TNC: variants seen among roughly 807,000 people sequenced by gnomAD.
The protein encoded by TNC is tenascin.
A neutral mutation model predicts 202.4 loss-of-function variants in TNC; 109 were observed. The observed-to-expected ratio is 0.54, with a 90% CI of 0.46 to 0.63. The LOEUF (loss-of-function observed/expected upper bound fraction) is 0.63. Among genes scored for constraint, TNC ranks in the 30% least tolerant of loss-of-function variants. The pLI, the probability that TNC is intolerant of heterozygous loss-of-function variation, is 0.00. For synonymous variants in TNC, 1,007 were observed against 1,089.7 expected (o/e 0.92, Z 1.50); for missense variants, 2,756 against 2,833.3 (o/e 0.97, Z 0.62).
chr9:115,098,631 G>A (rs1835975788), intron 1 of TNC, among the ~76,000 whole-genome samples: 1 of 152,134 alleles, frequency 6.6e-6, no homozygotes, highest in Non-Finnish European at 1.5e-5. Flanking sequence ...TTATCTTGTT[G>A]ACTTAAGCAC....
chr9:115,117,790 A>G (rs1837576617), intron 1 of TNC, among the ~76,000 whole-genome samples, 192 bp downstream of exon 1: 2 of 152,228 alleles, frequency 1.3e-5, no homozygotes, highest in African/African-American at 2.4e-5. Context: ...AAGTTAAAAC[A>G]AACAAAATTA....
chr9:115,096,675 T>C (rs1835820015), intron 1 of TNC, among the ~76,000 whole-genome samples: 1 of 152,186 alleles, frequency 6.6e-6, no homozygotes, highest in African/African-American at 2.4e-5. Flanking sequence ...CACTTAACTA[T>C]AGCAAGCATG....
rs180938362 is a variant in TNC at position 115,095,749 on chromosome 9, A to G, written c.-136-4595T>C. On this transcript the variant is annotated intron_variant, in intron 1 of 27. Coordinates refer to ENST00000350763, the MANE Select transcript of TNC (RefSeq NM_002160.4). ...ATAATATAATAGTTGCTCCAATTAT[A>G]TTACATATAATATTATAATATGTGA... Among the ~76,000 whole-genome samples, 863 of 147,190 alleles carry G rather than the reference A, an allele frequency of 5.9e-3. 9 individuals are homozygous for G. Among genetic ancestry groups the G allele is most frequent in the African/African-American group, 0.021 (826 of 40,240 alleles).
At chr9:115,091,851 C>T (rs926863312) in intron 1 of TNC, among the ~76,000 whole-genome samples, 1 of 152,210 alleles carries the variant, frequency 6.6e-6, no homozygotes, top group Non-Finnish European at 1.5e-5. Flanking sequence ...TGATTTATTT[C>T]CAAAACCTTC....
intron 23 of TNC, 92 bp downstream of exon 23, chr9:115,031,461 G>A: frequency 7.4e-7 from 1 of 1,352,588 alleles, no homozygotes; most frequent in South Asian, 2.1e-5. Context: ...AGGTTTGTTT[G>A]AAAATTTTAA....
chr9:115,065,396 AAAAC>A (rs1411281939), intron 10 of TNC, among the ~76,000 whole-genome samples: 1 of 152,264 alleles, frequency 6.6e-6, no homozygotes, highest in African/African-American at 2.4e-5. Flanking sequence ...ACTCTGTCTC[AAAAC>A]AAACAAACAA....
intron 6 of TNC, among the ~76,000 whole-genome samples, 163 bp downstream of exon 6, chr9:115,081,609 A>G (rs973373797): frequency 1.3e-5 from 2 of 152,190 alleles, no homozygotes; most frequent in African/African-American, 4.8e-5. Flanking sequence ...CAAATCACCA[A>G]CATGCAAAGA....
At chr9:115,024,627 G>A (rs1162306247) in intron 26 of TNC, among the ~76,000 whole-genome samples, 3 of 152,198 alleles carry the variant, frequency 2.0e-5, no homozygotes, top group Admixed American at 1.3e-4. Flanking sequence ...AAGGTGAGAA[G>A]TATGCATTTA....
intron 22 of TNC, among the ~76,000 whole-genome samples, chr9:115,034,959 C>G (rs745932457): frequency 3.9e-5 from 6 of 152,146 alleles, no homozygotes; most frequent in Non-Finnish European, 7.3e-5. Context: ...CTAAAATGTC[C>G]TCAAGTCTTG....
At chr9:115,094,417 T>C in intron 1 of TNC, among the ~76,000 whole-genome samples, 1 of 152,122 alleles carries the variant, frequency 6.6e-6, no homozygotes, top group Non-Finnish European at 1.5e-5. Flanking sequence ...AGGAAGCAAA[T>C]AATGACCTTT....
At chr9:115,051,618 T>A (rs902672460) in intron 15 of TNC, among the ~76,000 whole-genome samples, 1 of 151,754 alleles carries the variant, frequency 6.6e-6, no homozygotes, top group Non-Finnish European at 1.5e-5. Flanking sequence ...AATTTCAAAT[T>A]AGCTGCATCT....
intron 9 of TNC, among the ~76,000 whole-genome samples, chr9:115,074,574 A>G (rs1198903406): frequency 6.6e-6 from 1 of 152,222 alleles, no homozygotes; most frequent in Non-Finnish European, 1.5e-5. Flanking sequence ...ATGGACTAAT[A>G]TGTGTAGGAT....
intron 1 of TNC, among the ~76,000 whole-genome samples, chr9:115,094,851 G>A (rs1167493474): frequency 6.8e-6 from 1 of 146,710 alleles, no homozygotes; most frequent in African/African-American, 2.6e-5. Flanking sequence ...GTGTGTGTGT[G>A]TGTGTGTGTG....
rs1262580261 is a variant in TNC at position 115,020,815 on chromosome 9, G to C, written c.*342C>G. 3.4e-6 allele frequency: 1 copy of C among 291,532 alleles called. No individual in the cohort carries two copies. Among genetic ancestry groups the C allele is most frequent in the Non-Finnish European group, 6.6e-6 (1 of 151,938 alleles). The allele number at this position is 291,532 out of a possible 1,614,324, so 18.1% of individuals were successfully genotyped here. On this transcript the variant is annotated 3_prime_UTR_variant, in exon 28 of 28. Coordinates refer to ENST00000350763, the MANE Select transcript of TNC (RefSeq NM_002160.4). Reference sequence around the variant, plus strand: ...TACAGCTTCATGTAAAATACGGCTGGTTCTAAAACAAACTACCCCTGTACA... The same window carrying C: ...TACAGCTTCATGTAAAATACGGCTGCTTCTAAAACAAACTACCCCTGTACA...
intron 1 of TNC, among the ~76,000 whole-genome samples, chr9:115,099,444 G>A (rs1836056289): frequency 6.6e-6 from 1 of 152,196 alleles, no homozygotes; most frequent in South Asian, 2.1e-4. Context: ...GTCAAACACT[G>A]TTAGATCTTT....
intron 1 of TNC, among the ~76,000 whole-genome samples, chr9:115,095,773 G>A (rs1231417764): frequency 6.8e-6 from 1 of 147,082 alleles, no homozygotes; most frequent in East Asian, 2.0e-4. Flanking sequence ...TATAATATGT[G>A]ATGTAACATA....
At chr9:115,069,591 CTTCCCTTCCTCCCTCCCTCCCTCCCTCT>C (rs1833208452) in intron 10 of TNC, among the ~76,000 whole-genome samples, 1 of 132,756 alleles carries the variant, frequency 7.5e-6, no homozygotes, top group Non-Finnish European at 1.6e-5. Context: ...CCCTTCTTTC[CTTCCCTTCCTCCCTCCCTCCCTCCCTCT>C]CTCCCTCCCT....
intron 14 of TNC, among the ~76,000 whole-genome samples, chr9:115,058,268 C>CT (rs1362507366): frequency 3.3e-5 from 5 of 152,184 alleles, no homozygotes; most frequent in African/African-American, 1.2e-4. Context: ...AAAGCTAGTA[C>CT]TGTCTCTTTA....
chr9:115,104,103 C>T (rs1219709911), intron 1 of TNC, among the ~76,000 whole-genome samples: 1 of 152,158 alleles, frequency 6.6e-6, no homozygotes, highest in East Asian at 1.9e-4. Flanking sequence ...TGGTTCTGGA[C>T]AAGTGGCAAC....
Sources: gnomAD v4.1 joint callset for allele counts (sites outside exome capture counted in the v4.1 genomes callset) on GRCh38, gnomAD v4.1.1 for gene constraint, MANE v1.5 for transcripts, NCBI Gene and HGNC (gene_info 2026-07-23, HGNC 2026-07-21) for gene names.